The following HIPK1 variants were observed in gnomAD, a reference collection of about 807,000 sequenced individuals.
HIPK1 encodes the protein homeodomain interacting protein kinase 1.
HIPK1 carries 28 observed loss-of-function variants against 117.1 expected under a neutral mutation model. That is an observed-to-expected ratio of 0.24 (90% CI 0.18 to 0.33). The LOEUF (loss-of-function observed/expected upper bound fraction) is 0.33. HIPK1 is among the 10% of genes least tolerant of loss of function. HIPK1 has a pLI of 1.00. For synonymous variants in HIPK1, 605 were observed against 562.5 expected (o/e 1.08, Z -1.07); for missense variants, 1,122 against 1,475.1 (o/e 0.76, Z 3.92).
At chr1:113,966,055 C>G in intron 10 of HIPK1, 75 bp from the exon 11 acceptor site, 3 of 1,450,710 alleles carry the variant, frequency 2.1e-6, no homozygotes, top group Non-Finnish European at 2.8e-6. Flanking sequence ...ATGAATTTTT[C>G]TTTCTTTAAA....
Position 113,974,315 on chromosome 1 carries a change from T to C in HIPK1, c.*803T>C, listed in dbSNP as rs1027400957. The C allele has an allele frequency of 2.0e-5, 3 of 152,802 alleles. No individual in the cohort carries two copies. Among genetic ancestry groups the C allele is most frequent in the Middle Eastern group, 3.2e-3 (1 of 316 alleles). 9.5% of individuals were successfully genotyped at this position (152,802 alleles called of 1,614,324 possible). On this transcript the variant is annotated 3_prime_UTR_variant, in exon 16 of 16. Transcript: ENST00000426820. ...GAAGCACCATGAATTCTTTTTTAAATTATTTTTTAAAAGTCTTTCTCTCTC... is the reference window on the plus strand; with the variant it reads ...GAAGCACCATGAATTCTTTTTTAAACTATTTTTTAAAAGTCTTTCTCTCTC...
intron 8 of HIPK1, among the ~76,000 whole-genome samples, chr1:113,958,560 G>T (rs778356929): frequency 1.3e-4 from 20 of 152,120 alleles, no homozygotes; most frequent in Non-Finnish European, 1.5e-5. Context: ...TTGAGTCCTT[G>T]TGTCAATGTC....
At chr1:113,966,559 C>A (rs188715363) in intron 11 of HIPK1, among the ~76,000 whole-genome samples, 9 of 152,146 alleles carry the variant, frequency 5.9e-5, no homozygotes, top group Admixed American at 2.0e-4. Flanking sequence ...ATCTAGGTCC[C>A]CAACTTTATC....
At chr1:113,956,970 T>C (rs1485412190) in intron 6 of HIPK1, among the ~76,000 whole-genome samples, 154 bp from the exon 7 acceptor site, 1 of 152,244 alleles carries the variant, frequency 6.6e-6, no homozygotes, top group East Asian at 1.9e-4. Flanking sequence ...AAAAATTAGA[T>C]GTGTATTTTT....
rs535688687 is a variant in HIPK1 at position 113,964,904 on chromosome 1, G to A, written c.2239-1226G>A. ...CTCTGTCAAAACAGTTCGTCGCTTG[G>A]AACGCCAGATTTCTGCCTCACATTG... On this transcript the variant is annotated intron_variant, in intron 10 of 15. Transcript: ENST00000426820. 1.2e-3 allele frequency among the ~76,000 whole-genome samples: 176 copies of A among 152,324 alleles called. 4 individuals carry two copies. The highest frequency in any genetic ancestry group is 1.2e-3 in the Non-Finnish European group (80 of 68,030).
At chr1:113,966,375 T>C in intron 11 of HIPK1, 103 bp downstream of exon 11, 1 of 1,080,170 alleles carries the variant, frequency 9.3e-7, no homozygotes, top group Non-Finnish European at 1.3e-6. Flanking sequence ...AAAGGAAAAT[T>C]TGACACTGTT....
In HIPK1 at chr1:113,970,038, C is replaced by G. The variant is rs1326854632; in HGVS notation, c.2854C>G (p.Pro952Ala). 4 of 1,614,024 alleles carry G rather than the reference C, an allele frequency of 2.5e-6. No individual in the cohort carries two copies. The highest frequency in any genetic ancestry group is 3.4e-6 in the Non-Finnish European group (4 of 1,180,012). The change falls in exon 14 of 16, where the codon CCT (proline) becomes GCT (alanine). Residue 952 changes from proline to alanine, a missense_variant. By Grantham distance (27) the Pro-to-Ala change is conservative (BLOSUM62 -1). This residue lies in a region of HIPK1 where 731 missense variants were observed against 860.4 expected (regional missense o/e 0.85). Transcript: ENST00000426820. Reference sequence around the variant, plus strand: ...AGACTCTGACTCTTCTTTGAGCAGCCCTTATTCCACTGATACCCTGAGTGC... The same window carrying G: ...AGACTCTGACTCTTCTTTGAGCAGCGCTTATTCCACTGATACCCTGAGTGC... ...SPDSDSSLSS[P>A]YSTDTLSALR...
At chr1:113,966,917 A>G (rs1672490135) in intron 11 of HIPK1, among the ~76,000 whole-genome samples, 2 of 148,562 alleles carry the variant, frequency 1.3e-5, no homozygotes, top group South Asian at 4.2e-4. Flanking sequence ...TCTGGTAACC[A>G]TCCTACTCTC....
At chr1:113,929,614 G>A (rs1669694028) in intron 1 of HIPK1, 82 bp downstream of exon 1, 1 of 1,141,268 alleles carries the variant, frequency 8.8e-7, no homozygotes, top group Non-Finnish European at 1.2e-6. Flanking sequence ...TCGGCATTCC[G>A]TTCGTCGGGT....
intron 2 of HIPK1, chr1:113,951,146 T>G: frequency 1.3e-6 from 1 of 795,876 alleles, no homozygotes; most frequent in Non-Finnish European, 1.5e-6. Context: ...GCATGGCACA[T>G]AGTAGGCAAT....
chr1:113,965,981 C>A, intron 10 of HIPK1, 149 bp from the exon 11 acceptor site: 1 of 689,348 alleles, frequency 1.5e-6, no homozygotes, highest in Non-Finnish European at 2.3e-6. Flanking sequence ...GTAGCTTGAG[C>A]CCCTCTGACC....
intron 2 of HIPK1, among the ~76,000 whole-genome samples, chr1:113,949,265 T>C (rs2101254490): frequency 6.6e-6 from 1 of 152,344 alleles, no homozygotes; most frequent in African/African-American, 2.4e-5. Flanking sequence ...TGCCCTCCAA[T>C]TGATGCTTTG....
rs1233886343 is a variant in HIPK1, at chr1:113,971,827, T to C, written c.3017T>C (p.Leu1006Pro). Residue 1006 changes from leucine to proline, a missense_variant, in exon 15 of 16, where the codon CTC becomes CCC. This residue lies in a region of HIPK1 where 731 missense variants were observed against 860.4 expected (regional missense o/e 0.85). Coordinates refer to ENST00000426820, the MANE Select transcript of HIPK1 (RefSeq NM_198268.3). ...ATTAAGCCTGGTGCTTTTTTAGGTCTCCTGAGCAATAAGACTAAGCCAGTC... is the reference window on the plus strand; with the variant it reads ...ATTAAGCCTGGTGCTTTTTTAGGTCCCCTGAGCAATAAGACTAAGCCAGTC... ...DCTVATQASG[L>P]LSNKTKPVAS... The C allele has an allele frequency of 6.3e-7, 1 of 1,592,382 alleles. No individual in the cohort carries two copies. Among genetic ancestry groups the C allele is most frequent in the South Asian group, 1.2e-5 (1 of 86,138 alleles).
At chr1:113,929,858 G>C in intron 1 of HIPK1, 1 of 987,676 alleles carries the variant, frequency 1.0e-6, no homozygotes, top group Non-Finnish European at 1.2e-6. Flanking sequence ...TGATGACCCG[G>C]CTGCGGGGCC....
intron 7 of HIPK1, 142 bp from the exon 8 acceptor site, chr1:113,957,924 T>C: frequency 1.5e-6 from 1 of 662,930 alleles, no homozygotes; most frequent in Middle Eastern, 4.1e-4. Flanking sequence ...GGAAGTTTCT[T>C]AAGCAGAGAG....
chr1:113,940,697 C>T lies in HIPK1; in HGVS notation c.314C>T (p.Thr105Ile). 1 of 1,614,158 alleles carries T rather than the reference C, an allele frequency of 6.2e-7. No homozygotes were observed. Among genetic ancestry groups the T allele is most frequent in the Non-Finnish European group, 8.5e-7 (1 of 1,180,036 alleles). The stretch of plus-strand genomic sequence containing the variant: ...ACATCAACCTTCCAAAGCAGCCAGA[C>T]CCTGACTCACAGAAGCAACGTTTCT... ...AATSTFQSSQTLTHRSNVSLL... is the reference protein window; with the variant it reads ...AATSTFQSSQILTHRSNVSLL... The change falls in exon 2 of 16, where the codon ACC (threonine) becomes ATC (isoleucine). Residue 105 changes from threonine (T) to isoleucine (I), a missense_variant. By Grantham distance (89) the Thr-to-Ile change is moderately conservative. This residue lies in a region of HIPK1 where 192 missense variants were observed against 234.0 expected (regional missense o/e 0.82). Transcript: ENST00000426820.
At chr1:113,970,539 G>A (rs976471318) in intron 14 of HIPK1, among the ~76,000 whole-genome samples, 31 of 152,318 alleles carry the variant, frequency 2.0e-4, no homozygotes, top group African/African-American at 6.7e-4. Context: ...CAATTGAGAT[G>A]TAGACAGGAC....
chr1:113,970,112 G>T lies in HIPK1; in HGVS notation c.2928G>T (p.Val976=), dbSNP rs1672722801. The change falls in exon 14 of 16, where the codon GTG becomes GTT. Residue 976 remains valine (V), a synonymous_variant. Coordinates refer to ENST00000426820, the MANE Select transcript of HIPK1 (RefSeq NM_198268.3). ...GSVLEGPGRV[V]ADGTGTRTII... ...TTTTGGAGGGGCCTGGCAGAGTTGT[G>T]GCAGATGGCACTGGCACCCGCACTA... 1 of 1,614,038 alleles carries T rather than the reference G, an allele frequency of 6.2e-7. No homozygotes were observed. The highest frequency in any genetic ancestry group is 1.3e-5 in the African/African-American group (1 of 74,902).
intron 10 of HIPK1, among the ~76,000 whole-genome samples, chr1:113,963,950 T>C (rs144160076): frequency 2.3e-4 from 35 of 152,358 alleles, no homozygotes; most frequent in African/African-American, 7.7e-4. Flanking sequence ...ATGGCCAAAA[T>C]TGAGCTCGTT....
Sources: gnomAD v4.1 joint callset for allele counts (sites outside exome capture counted in the v4.1 genomes callset) on GRCh38, gnomAD v4.1.1 for gene constraint, gnomAD v4.1.1 regional missense constraint, MANE v1.5 for transcripts, NCBI Gene and HGNC (gene_info 2026-07-23, HGNC 2026-07-21) for gene names.